MIIP: variants seen among roughly 807,000 people sequenced by gnomAD.
The protein encoded by MIIP is migration and invasion inhibitory protein.
MIIP carries 44 observed loss-of-function variants against 44.8 expected under a neutral mutation model. The observed-to-expected ratio is 0.98, with a 90% CI of 0.77 to 1.26. The LOEUF (loss-of-function observed/expected upper bound fraction) is 1.26, where lower values mean the gene tolerates loss of function less well. Ranked by LOEUF, MIIP falls within the 50% of genes most tolerant of loss-of-function variation. The pLI is 0.00. For synonymous variants in MIIP, 225 were observed against 218.3 expected, an observed-to-expected ratio of 1.03 and a Z score of -0.27; for missense variants, 496 against 511.7, an observed-to-expected ratio of 0.97 and a Z score of 0.30.
intron 4 of MIIP, among the ~76,000 whole-genome samples, chr1:12,026,069 CCGAGGTGGG>C (rs1227273947): frequency 1.3e-5 from 2 of 151,752 alleles, no homozygotes; most frequent in African/African-American, 4.8e-5. Context: ...ATTTGGGAGG[CCGAGGTGGG>C]CGAATCACTT....
Position 12,031,728 on chromosome 1 carries a change from C to T in MIIP, c.1087C>T (p.Pro363Ser), listed in dbSNP as rs1569937017. The T allele has an allele frequency of 6.2e-7, 1 of 1,614,138 alleles. No homozygotes were observed. The highest frequency in any genetic ancestry group is 8.5e-7 in the Non-Finnish European group (1 of 1,180,008). ...TTCCCTATTCCCCATCCAGGCCTCACCAATGCAGATGCTGCCCCCGACCCC... is the reference window on the plus strand; with the variant it reads ...TTCCCTATTCCCCATCCAGGCCTCATCAATGCAGATGCTGCCCCCGACCCC... ...GTSSPFHPAS[P>S]MQMLPPTPTW... The change falls in exon 10 of 10, where the codon CCA becomes TCA. Residue 363 changes from proline (P) to serine (S), a missense_variant. Pro to Ser is a moderately conservative substitution (Grantham distance 74). Transcript: ENST00000235332.
intron 9 of MIIP, 131 bp from the exon 10 acceptor site, chr1:12,031,591 C>A: frequency 6.2e-7 from 1 of 1,607,432 alleles, no homozygotes; most frequent in South Asian, 1.1e-5. Context: ...CTCCTCTGCT[C>A]CCTGCCGCCT....
At chr1:12,025,585 C>T (rs907457964) in intron 4 of MIIP, among the ~76,000 whole-genome samples, 1 of 152,210 alleles carries the variant, frequency 6.6e-6, no homozygotes, top group Non-Finnish European at 1.5e-5. Flanking sequence ...TCAAACCTCC[C>T]CATGGGCTTT....
Position 12,025,171 on chromosome 1 carries a change from TGCCTCA to T in MIIP, c.547+2260_547+2265del, listed in dbSNP as rs1640079134. On this transcript the variant is annotated intron_variant, in intron 4 of 9. Coordinates refer to ENST00000235332, the MANE Select transcript of MIIP (RefSeq NM_021933.4). ...ACCTCCCGGGTTCGAGTGGTTCTTG[TGCCTCA>T]GCCTCCCGAGTAGCAGGTATTACAG... Among the ~76,000 whole-genome samples the T allele has an allele frequency of 1.3e-5, 2 of 151,734 alleles. 1 individual carries two copies. The highest frequency in any genetic ancestry group is 1.3e-4 in the Admixed American group (2 of 15,224).
At position 12,021,681 on chromosome 1, in the gene MIIP, A is replaced by T; in HGVS notation, c.-46A>T. The stretch of plus-strand genomic sequence containing the variant: ...GGGCCTGGAACCCAGCCCTGAGGAC[A>T]TCCTGCGGCCCAGGGGCAAGTGACA... On this transcript the variant is annotated 5_prime_UTR_variant, in exon 2 of 10. Transcript: ENST00000235332. 6.4e-7 allele frequency: 1 copy of T among 1,558,560 alleles called. No individual in the cohort carries two copies.
At chr1:12,021,930 C>A in intron 2 of MIIP, 90 bp downstream of exon 2, 1 of 1,256,840 alleles carries the variant, frequency 8.0e-7, no homozygotes, top group Non-Finnish European at 1.1e-6. Context: ...GTTCAATACA[C>A]CCATTTTACT....
chr1:12,020,346 G>T (rs1026889122), intron 1 of MIIP, among the ~76,000 whole-genome samples: 1 of 152,186 alleles, frequency 6.6e-6, no homozygotes, highest in Admixed American at 6.5e-5. Flanking sequence ...AAGCAAGCTT[G>T]TCCAAACCAC....
Position 12,032,015 on chromosome 1 carries a change from T to G in MIIP, c.*207T>G. 1.7e-6 allele frequency: 1 copy of G among 599,086 alleles called. No homozygotes were observed. 37.1% of individuals were successfully genotyped at this position (599,086 alleles called of 1,614,324 possible). On this transcript the variant is annotated 3_prime_UTR_variant, in exon 10 of 10. Transcript: ENST00000235332. ...GAGGGTGAGGGATTCTGTGGAAGTT[T>G]GTAAATAAAGCTCAGTGCTCTGCAG...
intron 8 of MIIP, among the ~76,000 whole-genome samples, chr1:12,030,556 CTTTT>C (rs71568383): frequency 6.8e-5 from 4 of 59,072 alleles, no homozygotes; most frequent in Non-Finnish European, 9.3e-5. Flanking sequence ...GCTGCTGCTG[CTTTT>C]TTTTTTTTTT....
rs367745113 is a variant in MIIP, at chr1:12,029,791, C to A, written c.742C>A (p.Arg248Ser). Residue 248 changes from arginine to serine, a missense_variant, in exon 7 of 10, where the codon CGC (arginine) becomes AGC (serine). Transcript: ENST00000235332. ...CGTGTACTGTTACCGTGTCAACCGG[C>A]GCCTGTTCCCGGTGCCTGTGGATCC... ...ECVYCYRVNR[R>S]LFPVPVDPGT... is the part of the protein sequence containing the mutation. 1.9e-6 allele frequency: 3 copies of A among 1,613,290 alleles called. No homozygotes were observed. The East Asian group carries it at 6.7e-5, about 36-fold the overall frequency.
chr1:12,025,482 T>C (rs1640087367), intron 4 of MIIP, among the ~76,000 whole-genome samples: 1 of 152,218 alleles, frequency 6.6e-6, no homozygotes, highest in Non-Finnish European at 1.5e-5. Flanking sequence ...TTGGGAATAA[T>C]GCTGCTGGTG....
In MIIP at chr1:12,022,458, G is replaced by A. The variant is rs768834497; in HGVS notation, c.462+16G>A. 2.7e-6 allele frequency: 4 copies of A among 1,500,906 alleles called. No homozygotes were observed. Among genetic ancestry groups the A allele is most frequent in the Non-Finnish European group, 3.6e-6 (4 of 1,123,160 alleles). 93.0% of individuals were successfully genotyped at this position (1,500,906 alleles called of 1,614,324 possible). ...GCTGTCCAAGGTAACGTGGGAGAGC[G>A]GGACATCTGCTGATGGGAGGAGCTT... On this transcript the variant is annotated intron_variant, in intron 3 of 9. Transcript: ENST00000235332.
At chr1:12,030,605 C>A (rs948952983) in intron 8 of MIIP, among the ~76,000 whole-genome samples, 6 of 145,626 alleles carry the variant, frequency 4.1e-5, no homozygotes, top group African/African-American at 1.5e-4. Context: ...TCTTACTGCC[C>A]AGGCTGGAGT....
chr1:12,023,090 G>T (rs1254974468), intron 4 of MIIP, among the ~76,000 whole-genome samples, 173 bp downstream of exon 4: 1 of 143,354 alleles, frequency 7.0e-6, no homozygotes, highest in Non-Finnish European at 1.5e-5. Flanking sequence ...TTGAGACGGA[G>T]TCTCACTCTG....
chr1:12,027,089 A>G (rs1234535697), intron 4 of MIIP, among the ~76,000 whole-genome samples: 4 of 149,758 alleles, frequency 2.7e-5, no homozygotes, highest in Admixed American at 1.3e-4. Context: ...GCTCACTGCA[A>G]CCTCCGCCTC....
intron 8 of MIIP, 65 bp from the exon 9 acceptor site, chr1:12,031,201 G>C: frequency 6.5e-7 from 1 of 1,547,834 alleles, no homozygotes; most frequent in South Asian, 1.2e-5. Context: ...TCCCTGATGG[G>C]GGTGTGCCCA....
At chr1:12,025,943 C>T (rs1247862941) in intron 4 of MIIP, among the ~76,000 whole-genome samples, 1 of 151,906 alleles carries the variant, frequency 6.6e-6, no homozygotes, top group Non-Finnish European at 1.5e-5. Flanking sequence ...GGTGATCTGC[C>T]CGCCTTGGCC....
Position 12,031,887 on chromosome 1 carries a change from T to A in MIIP, c.*79T>A. Reference sequence around the variant, plus strand: ...TGGCAGGCGCACCCAGGAGATGGAATCCCCTGCCCGCCCAGCTCAGGCCCA... The same window carrying A: ...TGGCAGGCGCACCCAGGAGATGGAAACCCCTGCCCGCCCAGCTCAGGCCCA... On this transcript the variant is annotated 3_prime_UTR_variant, in exon 10 of 10. Coordinates refer to ENST00000235332, the MANE Select transcript of MIIP (RefSeq NM_021933.4). 1 of 1,411,408 alleles carries A rather than the reference T, an allele frequency of 7.1e-7. No individual in the cohort carries two copies. The highest frequency in any genetic ancestry group is 9.9e-7 in the Non-Finnish European group (1 of 1,013,980). 87.4% of individuals were successfully genotyped at this position (1,411,408 alleles called of 1,614,324 possible). A position where few individuals can be genotyped will look rare whatever the true frequency, so the allele number is the denominator to read the frequency against.
At chr1:12,026,115 A>G (rs894810139) in intron 4 of MIIP, among the ~76,000 whole-genome samples, 83 of 151,856 alleles carry the variant, frequency 5.5e-4, no homozygotes, top group African/African-American at 1.8e-3. Context: ...GACCAGCCTG[A>G]GCATCGTGGT....
Sources: gnomAD v4.1 joint callset for allele counts (sites outside exome capture counted in the v4.1 genomes callset) on GRCh38, gnomAD v4.1.1 for gene constraint, MANE v1.5 for transcripts, NCBI Gene and HGNC (gene_info 2026-07-23, HGNC 2026-07-21) for gene names.